Variants in HHAT observed in about 807,000 individuals in gnomAD.
HHAT encodes the protein protein-cysteine N-palmitoyltransferase HHAT.
HHAT carries 47 observed loss-of-function variants against 70.8 expected under a neutral mutation model. The observed-to-expected ratio is 0.66, with a 90% CI of 0.53 to 0.85. The LOEUF is 0.85. Among genes scored for constraint, HHAT ranks in the 40% least tolerant of loss-of-function variants. The pLI is 0.00. For missense variants in HHAT, 609 were observed against 604.8 expected (o/e 1.01, Z -0.07); for synonymous variants, 228 against 247.6 (o/e 0.92, Z 0.74).
At chr1:210,598,505 T>C (rs1663524014) in intron 10 of HHAT, among the ~76,000 whole-genome samples, 1 of 152,210 alleles carries the variant, frequency 6.6e-6, no homozygotes, top group Non-Finnish European at 1.5e-5. Context: ...ATCTAAGTTC[T>C]GACCACTGGA....
intron 4 of HHAT, among the ~76,000 whole-genome samples, chr1:210,398,967 A>G (rs1286532413): frequency 6.6e-6 from 1 of 152,204 alleles, no homozygotes; most frequent in Admixed American, 6.5e-5. Flanking sequence ...CTCTTGAGCT[A>G]GAGTATAGGT....
intron 8 of HHAT, among the ~76,000 whole-genome samples, chr1:210,505,763 G>A (rs1426010858): frequency 6.6e-6 from 1 of 152,200 alleles, no homozygotes; most frequent in African/African-American, 2.4e-5. Context: ...AGAGGTGGAG[G>A]CAAGGATTGA....
chr1:210,438,881 G>A (rs1039600334), intron 7 of HHAT, among the ~76,000 whole-genome samples: 8 of 151,924 alleles, frequency 5.3e-5, no homozygotes, highest in Middle Eastern at 6.8e-3. Flanking sequence ...GAATCGTATC[G>A]CTATTTTACA....
intron 1 of HHAT, among the ~76,000 whole-genome samples, chr1:210,331,610 T>A (rs537898440): frequency 6.6e-6 from 1 of 152,326 alleles, no homozygotes; most frequent in South Asian, 2.1e-4. Context: ...GAAGTAATGC[T>A]CAAACTCTTT....
intron 3 of HHAT, among the ~76,000 whole-genome samples, chr1:210,371,187 T>C (rs1480304117): frequency 6.6e-6 from 1 of 152,224 alleles, no homozygotes; most frequent in African/African-American, 2.4e-5. Context: ...AGTCTCACTC[T>C]ATTGCCTGTG....
chr1:210,410,054 T>TG (rs1315351928), intron 6 of HHAT, among the ~76,000 whole-genome samples: 1 of 142,648 alleles, frequency 7.0e-6, no homozygotes, highest in Admixed American at 6.9e-5. Context: ...GGACAAATTT[T>TG]GGATTTTTTT....
chr1:210,592,877 T>TC (rs1255795795), intron 10 of HHAT, among the ~76,000 whole-genome samples: 1 of 59,776 alleles, frequency 1.7e-5, no homozygotes. Context: ...AAACCAACTT[T>TC]TCTTTTTTTT....
chr1:210,369,414 T>C (rs1267050878), intron 3 of HHAT, among the ~76,000 whole-genome samples: 13 of 152,214 alleles, frequency 8.5e-5, no homozygotes. Context: ...TGAACATAGA[T>C]AAAGAGGTAC....
chr1:210,396,930 AG>A (rs2091821090), intron 4 of HHAT, among the ~76,000 whole-genome samples: 1 of 152,212 alleles, frequency 6.6e-6, no homozygotes, highest in African/African-American at 2.4e-5. Flanking sequence ...TGGCAACACA[AG>A]GAATCCTTGT....
intron 7 of HHAT, among the ~76,000 whole-genome samples, chr1:210,436,781 G>A (rs1050231294): frequency 6.6e-6 from 1 of 151,814 alleles, no homozygotes; most frequent in Non-Finnish European, 1.5e-5. Context: ...TTGTGTAGGA[G>A]TAACTCAATT....
In HHAT at chr1:210,542,487, T is replaced by TAA. The variant is rs760515327; in HGVS notation, c.1043+29308_1043+29309dup. ...GTTTTTGCCGCATCAGTGTTTTAGT[T>TAA]AAAAAAAAAATATATATATATATAT... On this transcript the variant is annotated intron_variant, in intron 9 of 11. Coordinates refer to ENST00000261458, the MANE Select transcript of HHAT (RefSeq NM_018194.6). Among the ~76,000 whole-genome samples, 1,047 of 148,808 alleles carry TAA rather than the reference T, an allele frequency of 7.0e-3. 15 individuals carry two copies. The highest frequency in any genetic ancestry group is 0.024 in the African/African-American group (979 of 40,652).
At chr1:210,357,953 C>T (rs1365946307) in intron 2 of HHAT, among the ~76,000 whole-genome samples, 2 of 152,066 alleles carry the variant, frequency 1.3e-5, no homozygotes, top group Non-Finnish European at 2.9e-5. Flanking sequence ...GTTATAGGGG[C>T]CTCAGTCATG....
intron 8 of HHAT, among the ~76,000 whole-genome samples, chr1:210,477,999 G>A (rs1023591283): frequency 2.0e-5 from 3 of 152,160 alleles, no homozygotes; most frequent in Non-Finnish European, 4.4e-5. Context: ...AAGATTCCTT[G>A]TATTTATGTT....
rs372024732 is a variant in HHAT, at chr1:210,418,237, G to A, written c.768G>A (p.Trp256Ter). 2.5e-6 allele frequency: 4 copies of A among 1,613,878 alleles called. No individual in the cohort carries two copies. The African/African-American group carries it at 4.0e-5, about 16-fold the overall frequency. ...TGGGCCGCCTTCTTTGCTGGTGGTG[G>A]CTGGCCGAGCTGATGGCTCACCTGA... is the stretch of plus-strand genomic sequence containing the variant. ...LGLGRLLCWW[W>*]LAELMAHLMY... is the part of the protein sequence containing the mutation. Residue 256 changes from tryptophan (W) to a stop codon, truncating the protein, a stop_gained, in exon 7 of 12, where the codon TGG (tryptophan) becomes TGA (stop). Coordinates refer to ENST00000261458, the MANE Select transcript of HHAT (RefSeq NM_018194.6). LOFTEE classifies it high-confidence loss of function.
intron 3 of HHAT, among the ~76,000 whole-genome samples, chr1:210,365,318 T>TTA (rs1553326967): frequency 1.5e-5 from 2 of 131,236 alleles, no homozygotes; most frequent in African/African-American, 6.0e-5. Context: ...AGTTTTTTTT[T>TTA]TTTTTTTTTT....
chr1:210,428,853 G>A (rs886739903), intron 7 of HHAT, among the ~76,000 whole-genome samples: 5 of 151,540 alleles, frequency 3.3e-5, no homozygotes, highest in African/African-American at 4.9e-5. Flanking sequence ...GTGCGTGCCA[G>A]TAGTGCCAGC....
At chr1:210,560,138 G>A (rs2095608092) in intron 9 of HHAT, among the ~76,000 whole-genome samples, 3 of 152,166 alleles carry the variant, frequency 2.0e-5, no homozygotes, top group Admixed American at 2.0e-4. Flanking sequence ...GAGGCATTCA[G>A]TCCTCCAATT....
intron 11 of HHAT, among the ~76,000 whole-genome samples, chr1:210,650,227 G>A (rs1057442636): frequency 6.6e-6 from 1 of 152,186 alleles, no homozygotes; most frequent in East Asian, 1.9e-4. Context: ...TAATGGTTTT[G>A]TGAGTAGGGA....
At chr1:210,521,305 A>G (rs1224238298) in intron 9 of HHAT, among the ~76,000 whole-genome samples, 1 of 152,170 alleles carries the variant, frequency 6.6e-6, no homozygotes, top group African/African-American at 2.4e-5. Flanking sequence ...TGAAGTCTCA[A>G]ATATCTTTGA....
Sources: allele counts gnomAD v4.1 joint callset (sites outside exome capture counted in the v4.1 genomes callset), GRCh38; gene constraint gnomAD v4.1.1; transcripts MANE v1.5; gene names NCBI Gene and HGNC (gene_info 2026-07-23, HGNC 2026-07-21).